The following TRIO variants were observed in gnomAD, a reference collection of about 807,000 sequenced individuals.
TRIO encodes the protein triple functional domain protein.
TRIO carries 58 observed loss-of-function variants against 351.9 expected under a neutral mutation model. The observed-to-expected ratio is 0.16, with a 90% confidence interval of 0.13 to 0.21. The LOEUF is 0.21. Ranked by LOEUF, TRIO falls within the 10% of genes least tolerant of loss-of-function variation. TRIO has a pLI of 1.00. For missense variants in TRIO, 3,201 were observed against 4,027.8 expected (o/e 0.79, Z 5.56); for synonymous variants, 1,758 against 1,595.7 (o/e 1.10, Z -2.42).
At chr5:14,494,680 C>T (rs1340062324) in intron 49 of TRIO, among the ~76,000 whole-genome samples, 1 of 152,144 alleles carries the variant, frequency 6.6e-6, no homozygotes. Flanking sequence ...GGGTGGATCA[C>T]CTGAGGTCAG....
In TRIO at chr5:14,245,984, A is replaced by G. The variant is rs184559492; in HGVS notation, c.158-24841A>G. Among the ~76,000 whole-genome samples the G allele has an allele frequency of 2.3e-4, 35 of 152,360 alleles. No homozygotes were observed. In the East Asian group the frequency reaches 6.6e-3, roughly 29 times the overall value. On this transcript the variant is annotated intron_variant, in intron 1 of 56. Transcript: ENST00000344204. ...CCTCCTAGGTTAGAGTGTACATTCA[A>G]CATTGCTTATTATTCTGGGAGTAAC...
Position 14,488,130 on chromosome 5 carries a change from C to T in TRIO, c.7502C>T (p.Thr2501Ile). ...CCCGCCAGCCGACCCGGCTCCTTCA[C>T]CTTCCCGGGGGACAGCGACTCCCTC... ...ASPASRPGSF[T>I]FPGDSDSLQR... The change falls in exon 48 of 57, where the codon ACC becomes ATC. Residue 2501 changes from threonine (T) to isoleucine (I), a missense_variant. Physicochemically the swap from Thr to Ile is moderately conservative, Grantham distance 89. This residue lies in a region of TRIO where 1,089 missense variants were observed against 954.9 expected (regional missense o/e 1.14). Transcript: ENST00000344204. 6.2e-7 allele frequency: 1 copy of T among 1,609,106 alleles called. No homozygotes were observed. The highest frequency in any genetic ancestry group is 8.5e-7 in the Non-Finnish European group (1 of 1,179,454).
At chr5:14,296,334 C>T (rs763339505) in intron 6 of TRIO, among the ~76,000 whole-genome samples, 3 of 152,132 alleles carry the variant, frequency 2.0e-5, no homozygotes, top group Non-Finnish European at 2.9e-5. Flanking sequence ...CCACACCCTG[C>T]GATACTGAGC....
chr5:14,293,005 C>T lies in TRIO; in HGVS notation c.1054-7C>T, dbSNP rs4702026. The T allele has an allele frequency of 5.1e-4, 818 of 1,613,936 alleles. 2 individuals are homozygous for T. Among genetic ancestry groups the T allele is most frequent in the Middle Eastern group, 4.1e-3 (25 of 6,062 alleles). ...GTGATTGCGGGTTGTCTTTTTCCTT[C>T]CGGTAGATGTTTGACTGGATCACAC... On this transcript the variant is annotated splice_region_variant and splice_polypyrimidine_tract_variant and intron_variant, in intron 5 of 56. Transcript: ENST00000344204.
chr5:14,415,694 A>G (rs1749586343), intron 33 of TRIO, among the ~76,000 whole-genome samples: 1 of 152,168 alleles, frequency 6.6e-6, no homozygotes, highest in South Asian at 2.1e-4. Context: ...TAAGTTGTTT[A>G]TTTTCAGTCA....
intron 10 of TRIO, among the ~76,000 whole-genome samples, chr5:14,335,789 C>G (rs1244668366): frequency 3.3e-5 from 5 of 152,026 alleles, no homozygotes; most frequent in Admixed American, 3.3e-4. Flanking sequence ...ACATTGCAAA[C>G]CCCCATCTCT....
At chr5:14,415,638 G>A (rs1018426912) in intron 33 of TRIO, among the ~76,000 whole-genome samples, 2 of 152,220 alleles carry the variant, frequency 1.3e-5, no homozygotes, top group South Asian at 4.1e-4. Context: ...AGGTTCACAT[G>A]CTTGCAACCA....
rs183996784 is a variant in TRIO at position 14,460,984 on chromosome 5, G to A, written c.5204-35G>A. 4.2e-5 allele frequency: 63 copies of A among 1,508,620 alleles called. 1 individual carries two copies. The East Asian group carries it at 6.6e-4, about 16-fold the overall frequency. 93.5% of individuals were successfully genotyped at this position (1,508,620 alleles called of 1,614,324 possible). A position where few individuals can be genotyped will look rare whatever the true frequency, so the allele number is the denominator to read the frequency against. ...GGTCTTCACACCGGAGGGTCTGTGCGAGTCAGTGATACTCCCTCTCTTTCT... is the reference window on the plus strand; with the variant it reads ...GGTCTTCACACCGGAGGGTCTGTGCAAGTCAGTGATACTCCCTCTCTTTCT... On this transcript the variant is annotated intron_variant, in intron 34 of 56. Coordinates refer to ENST00000344204, the MANE Select transcript of TRIO (RefSeq NM_007118.4).
chr5:14,280,557 A>C, intron 3 of TRIO, 121 bp downstream of exon 3: 1 of 839,604 alleles, frequency 1.2e-6, no homozygotes, highest in South Asian at 1.6e-5. Context: ...ATAAAATGAA[A>C]GTCATTATCT....
intron 48 of TRIO, chr5:14,488,685 T>A: frequency 1.8e-6 from 1 of 552,710 alleles, no homozygotes. Flanking sequence ...CTTTTATGCC[T>A]TAAATTATCT....
chr5:14,285,575 G>A (rs1002807251), intron 3 of TRIO, among the ~76,000 whole-genome samples: 1 of 152,044 alleles, frequency 6.6e-6, no homozygotes, highest in Non-Finnish European at 1.5e-5. Context: ...AGGGGAGTGA[G>A]CCTATGTAAG....
chr5:14,204,045 A>G (rs1234720872), intron 1 of TRIO, among the ~76,000 whole-genome samples: 1 of 152,196 alleles, frequency 6.6e-6, no homozygotes, highest in Admixed American at 6.5e-5. Context: ...GGATGTCTCA[A>G]ATGTTTCTAG....
intron 1 of TRIO, among the ~76,000 whole-genome samples, chr5:14,179,716 A>C (rs1222621179): frequency 1.3e-5 from 2 of 152,166 alleles, no homozygotes; most frequent in East Asian, 3.9e-4. Flanking sequence ...AATTATAGGC[A>C]TGAGCCACCA....
intron 33 of TRIO, among the ~76,000 whole-genome samples, chr5:14,416,723 C>A (rs182997207): frequency 6.6e-6 from 1 of 152,308 alleles, no homozygotes; most frequent in East Asian, 1.9e-4. Context: ...CCTCCTTCTT[C>A]GGCAGCCCCT....
intron 1 of TRIO, among the ~76,000 whole-genome samples, chr5:14,149,296 T>G (rs1470699780): frequency 6.6e-6 from 1 of 152,248 alleles, no homozygotes; most frequent in South Asian, 2.1e-4. Context: ...CCCAGCTTTT[T>G]GATGTTACTG....
chr5:14,431,071 C>T (rs531439714), intron 34 of TRIO, among the ~76,000 whole-genome samples: 1 of 152,204 alleles, frequency 6.6e-6, no homozygotes, highest in Non-Finnish European at 1.5e-5. Context: ...TCCTTCCTGA[C>T]ACTGTGGAAG....
intron 1 of TRIO, among the ~76,000 whole-genome samples, chr5:14,239,522 G>A (rs751413610): frequency 3.0e-4 from 46 of 152,128 alleles, no homozygotes; most frequent in Non-Finnish European, 5.3e-4. Context: ...TATTCACTGG[G>A]CACTCCACTG....
Position 14,461,061 on chromosome 5 carries a change from C to G in TRIO, c.5246C>G (p.Ser1749Cys). 1 of 1,580,486 alleles carries G rather than the reference C, an allele frequency of 6.3e-7. No individual in the cohort carries two copies. Among genetic ancestry groups the G allele is most frequent in the Middle Eastern group, 1.7e-4 (1 of 6,014 alleles). ...AGCAATGACGCCAGTCCACCCGCAT[C>G]CGTGGCTTCCCTCCAGCCCCACATG... is the stretch of plus-strand genomic sequence containing the variant. ...VSSNDASPPA[S>C]VASLQPHMIG... Residue 1749 changes from serine to cysteine, a missense_variant, in exon 35 of 57, where the codon TCC (serine) becomes TGC (cysteine). This residue lies in a region of TRIO where 193 missense variants were observed against 218.8 expected (regional missense o/e 0.88). Coordinates refer to ENST00000344204, the MANE Select transcript of TRIO (RefSeq NM_007118.4).
At chr5:14,154,656 T>G (rs1384282404) in intron 1 of TRIO, among the ~76,000 whole-genome samples, 1 of 152,190 alleles carries the variant, frequency 6.6e-6, no homozygotes, top group African/African-American at 2.4e-5. Flanking sequence ...TATGCCCACA[T>G]AAAACTTCTG....
Sources: gnomAD v4.1 joint callset for allele counts (sites outside exome capture counted in the v4.1 genomes callset) on GRCh38, gnomAD v4.1.1 for gene constraint, gnomAD v4.1.1 regional missense constraint, MANE v1.5 for transcripts, NCBI Gene and HGNC (gene_info 2026-07-23, HGNC 2026-07-21) for gene names.